Variants in CACNA1A observed in about 807,000 individuals in gnomAD.
CACNA1A encodes voltage-dependent P/Q-type calcium channel subunit alpha-1A.
Under a neutral mutation model 262.4 loss-of-function variants are expected in CACNA1A, and 57 were observed. That is an observed-to-expected ratio of 0.22 (90% CI 0.18 to 0.27). The LOEUF (loss-of-function observed/expected upper bound fraction) is 0.27, where lower values mean the gene tolerates loss of function less well. Ranked by LOEUF, CACNA1A falls within the 10% of genes least tolerant of loss-of-function variation. The probability of loss-of-function intolerance (pLI) is 1.00; values close to 1 mark genes in which losing one functional copy is unlikely to be tolerated. For missense variants in CACNA1A, 2,526 were observed against 3,562.8 expected, an observed-to-expected ratio of 0.71 and a Z score of 7.41; for synonymous variants, 1,431 against 1,419.3, an observed-to-expected ratio of 1.01 and a Z score of -0.18.
intron 4 of CACNA1A, among the ~76,000 whole-genome samples, chr19:13,368,451 G>T (rs906200094): frequency 6.6e-6 from 1 of 150,928 alleles, no homozygotes; most frequent in Non-Finnish European, 1.5e-5. Context: ...TCCTGCCTCA[G>T]CCTCCCGAGT....
At position 13,257,384 on chromosome 19, in the gene CACNA1A, T is replaced by C. The variant is rs752888622; in HGVS notation, c.4556A>G (p.Lys1519Arg). ...IIITFQEQGDKMMEEYSLEKN... is the reference protein window; with the variant it reads ...IIITFQEQGDRMMEEYSLEKN... Reference sequence around the variant, plus strand: ...CTCCAGGCTGTATTCCTCCATCATCTTGTCCCCTTGCTCCTGGAAGGTGAT... The same window carrying C: ...CTCCAGGCTGTATTCCTCCATCATCCTGTCCCCTTGCTCCTGGAAGGTGAT... The change falls in exon 28 of 47, where the codon AAG (lysine) becomes AGG (arginine). Residue 1519 changes from lysine to arginine, a missense_variant. Around this residue, in one of 17 missense-constraint regions of CACNA1A, gnomAD observed 137 missense variants for 377.7 expected, o/e 0.36. Coordinates refer to ENST00000360228, the MANE Select transcript of CACNA1A (RefSeq NM_001127222.2). The C allele has an allele frequency of 1.2e-6, 2 of 1,613,996 alleles. No individual in the cohort carries two copies. Among genetic ancestry groups the C allele is most frequent in the Non-Finnish European group, 1.7e-6 (2 of 1,179,880 alleles).
At chr19:13,439,210 G>A (rs745343948) in intron 3 of CACNA1A, among the ~76,000 whole-genome samples, 22 of 149,936 alleles carry the variant, frequency 1.5e-4, no homozygotes, top group Non-Finnish European at 2.8e-4. Flanking sequence ...CCAGGTTCAC[G>A]CCATTCTCCT....
chr19:13,274,544 G>T (rs576313424), intron 24 of CACNA1A: 1 of 152,332 alleles, frequency 6.6e-6, no homozygotes, highest in Admixed American at 6.5e-5. Flanking sequence ...GCACAGCCAG[G>T]GTCCCCAAGA....
intron 30 of CACNA1A, among the ~76,000 whole-genome samples, chr19:13,250,383 T>A (rs938859404): frequency 4.0e-5 from 6 of 150,382 alleles, no homozygotes; most frequent in African/African-American, 1.2e-4. Flanking sequence ...AAAATAATTT[T>A]AATTTAATTT....
intron 24 of CACNA1A, chr19:13,263,062 G>A (rs569693863): frequency 3.7e-6 from 2 of 536,600 alleles, no homozygotes; most frequent in East Asian, 3.3e-5. Context: ...CCCAGGGTTG[G>A]TTGAGGGCCC....
At position 13,317,323 on chromosome 19, in the gene CACNA1A, T is replaced by A; in HGVS notation, c.1346-2A>T. On this transcript the variant is annotated splice_acceptor_variant, in intron 10 of 46. Coordinates refer to ENST00000360228, the MANE Select transcript of CACNA1A (RefSeq NM_001127222.2). LOFTEE classifies it high-confidence loss of function. ...TGCTGGCTCGGGCGAAGGGAGAACC[T>A]GCCAGGGAAAAGATGGAGAATGTCA... The A allele has an allele frequency of 6.3e-7, 1 of 1,596,188 alleles. No individual in the cohort carries two copies. Among genetic ancestry groups the A allele is most frequent in the Non-Finnish European group, 8.6e-7 (1 of 1,165,240 alleles).
chr19:13,386,848 T>TA (rs1047731654), intron 3 of CACNA1A, among the ~76,000 whole-genome samples: 14 of 152,018 alleles, frequency 9.2e-5, no homozygotes, highest in East Asian at 3.9e-4. Flanking sequence ...TGGTAAATGT[T>TA]AAAAAAAGTC....
At chr19:13,437,394 C>T (rs2060629892) in intron 3 of CACNA1A, among the ~76,000 whole-genome samples, 1 of 152,024 alleles carries the variant, frequency 6.6e-6, no homozygotes, top group African/African-American at 2.4e-5. Flanking sequence ...GTGGAGGCAG[C>T]TAAGAAAAGA....
chr19:13,340,232 C>T (rs1306701470), intron 6 of CACNA1A, among the ~76,000 whole-genome samples: 1 of 152,010 alleles, frequency 6.6e-6, no homozygotes. Flanking sequence ...CAACAAGACC[C>T]GAATCTGCCC....
chr19:13,223,986 T>C (rs978724040), intron 38 of CACNA1A, among the ~76,000 whole-genome samples: 3 of 151,950 alleles, frequency 2.0e-5, no homozygotes, highest in African/African-American at 7.3e-5. Flanking sequence ...GGCAACCTGA[T>C]GAAACCCCAT....
chr19:13,413,681 C>T (rs2144749683), intron 3 of CACNA1A, among the ~76,000 whole-genome samples: 1 of 146,374 alleles, frequency 6.8e-6, no homozygotes, highest in South Asian at 2.2e-4. Flanking sequence ...GAGTTCAAGA[C>T]CAGCCCGGCC....
At chr19:13,447,723 C>G (rs1051703674) in intron 3 of CACNA1A, among the ~76,000 whole-genome samples, 21 of 152,162 alleles carry the variant, frequency 1.4e-4, no homozygotes, top group African/African-American at 4.6e-4. Flanking sequence ...TGGTGTAAGT[C>G]CATGAGTCCA....
intron 1 of CACNA1A, among the ~76,000 whole-genome samples, chr19:13,469,258 G>C (rs908156113): frequency 6.6e-6 from 1 of 152,176 alleles, no homozygotes; most frequent in African/African-American, 2.4e-5. Context: ...GACGGAACCT[G>C]TTAACATTTG....
intron 22 of CACNA1A, chr19:13,277,934 A>G (rs1289617218): frequency 6.6e-6 from 1 of 152,116 alleles, no homozygotes; most frequent in Non-Finnish European, 1.5e-5. Context: ...TAAAAATATA[A>G]AAAATTAGCT....
At chr19:13,232,222 G>C (rs12459602) in intron 34 of CACNA1A, among the ~76,000 whole-genome samples, 1 of 145,626 alleles carries the variant, frequency 6.9e-6, no homozygotes, top group Non-Finnish European at 1.5e-5. Flanking sequence ...TTTTTGACAG[G>C]GTCTTGCTCT....
At chr19:13,299,496 C>T in intron 18 of CACNA1A, 143 bp from the exon 19 acceptor site, 2 of 759,596 alleles carry the variant, frequency 2.6e-6, no homozygotes, top group South Asian at 3.3e-5. Flanking sequence ...AGTCTGTGAG[C>T]ATCTGAGTCA....
intron 3 of CACNA1A, among the ~76,000 whole-genome samples, chr19:13,425,777 C>T (rs145788432): frequency 6.6e-5 from 10 of 152,120 alleles, no homozygotes; most frequent in Non-Finnish European, 1.5e-4. Context: ...CCATGGATGC[C>T]GGGCACGGTG....
At chr19:13,348,648 C>T (rs559909765) in intron 6 of CACNA1A, among the ~76,000 whole-genome samples, 261 of 152,274 alleles carry the variant, frequency 1.7e-3, no homozygotes, top group South Asian at 0.012. Context: ...CCATCCTGGC[C>T]AACATGGTGA....
chr19:13,359,519 C>T lies in CACNA1A; in HGVS notation c.978+87G>A, dbSNP rs555395797. 2.6e-5 allele frequency: 27 copies of T among 1,045,322 alleles called. No homozygotes were observed. In the African/African-American group the frequency reaches 4.1e-4, roughly 16 times the overall value. The allele number at this position is 1,045,322 out of a possible 1,614,324, so 64.8% of individuals were successfully genotyped here. On this transcript the variant is annotated intron_variant, in intron 6 of 46. Coordinates refer to ENST00000360228, the MANE Select transcript of CACNA1A (RefSeq NM_001127222.2). The stretch of plus-strand genomic sequence containing the variant: ...TGCCTTTCCCAGCTCAGGGTCCCTC[C>T]ATTGCAGCCTTGGAGTCTCACTGGT...
Sources: allele counts gnomAD v4.1 joint callset (sites outside exome capture counted in the v4.1 genomes callset), GRCh38; gene constraint gnomAD v4.1.1; regional missense constraint gnomAD v4.1.1; transcripts MANE v1.5; gene names NCBI Gene and HGNC (gene_info 2026-07-23, HGNC 2026-07-21).